Variants in DSE observed in about 807,000 individuals in gnomAD.
DSE encodes dermatan sulfate epimerase, also known as dermatan-sulfate epimerase.
Under a neutral mutation model 84.4 loss-of-function variants are expected in DSE, and 36 were observed. The observed-to-expected ratio is 0.43, with a 90% confidence interval of 0.33 to 0.56. The LOEUF is 0.56. Ranked by LOEUF, DSE falls within the 20% of genes least tolerant of loss-of-function variation. DSE has a pLI of 0.06. For missense variants in DSE, 862 were observed against 1,169.6 expected, an observed-to-expected ratio of 0.74 and a Z score of 3.84; for synonymous variants, 410 against 430.1, an observed-to-expected ratio of 0.95 and a Z score of 0.58.
intron 1 of DSE, among the ~76,000 whole-genome samples, chr6:116,377,740 T>C (rs1780008817): frequency 6.6e-6 from 1 of 152,142 alleles, no homozygotes; most frequent in Non-Finnish European, 1.5e-5. Context: ...CAAGGTGCAC[T>C]CAATATCCAA....
chr6:116,435,567 T>C lies in DSE; in HGVS notation c.1119-20T>C, dbSNP rs1784093528. ...TCACTGCCATCAGAAAACCATTTAATTTTTCAAAATTAATTTCAGGTATGA... is the reference window on the plus strand; with the variant it reads ...TCACTGCCATCAGAAAACCATTTAACTTTTCAAAATTAATTTCAGGTATGA... On this transcript the variant is annotated intron_variant, in intron 5 of 5. Transcript: ENST00000644252. The C allele has an allele frequency of 1.3e-6, 2 of 1,543,992 alleles. No homozygotes were observed. Among genetic ancestry groups the C allele is most frequent in the African/African-American group, 1.4e-5 (1 of 72,162 alleles).
intron 1 of DSE, among the ~76,000 whole-genome samples, chr6:116,393,270 G>T (rs139140937): frequency 1.3e-5 from 2 of 152,056 alleles, no homozygotes; most frequent in African/African-American, 4.8e-5. Context: ...AAATTTAAAG[G>T]GTCGTATACT....
intron 2 of DSE, among the ~76,000 whole-genome samples, chr6:116,325,817 A>G (rs890416769): frequency 1.2e-4 from 18 of 152,334 alleles, no homozygotes; most frequent in African/African-American, 4.1e-4. Context: ...GGGTTTGTTC[A>G]GCCGGGGGCA....
chr6:116,416,067 C>G lies in DSE; in HGVS notation c.417-10507C>G, dbSNP rs74856435. ...TTTGGAGTTCACATATATTCCTTTG[C>G]TTGTAGCTCCCTGCCTCCACCTTCA... On this transcript the variant is annotated intron_variant, in intron 2 of 5. Coordinates refer to ENST00000644252, the MANE Select transcript of DSE (RefSeq NM_013352.4). 8.6e-3 allele frequency among the ~76,000 whole-genome samples: 1,309 copies of G among 152,256 alleles called. 31 individuals are homozygous for G. The highest frequency in any genetic ancestry group is 0.028 in the African/African-American group (1,179 of 41,542).
At chr6:116,426,126 A>G (rs1335520566) in intron 2 of DSE, among the ~76,000 whole-genome samples, 1 of 152,222 alleles carries the variant, frequency 6.6e-6, no homozygotes, top group African/African-American at 2.4e-5. Flanking sequence ...GCTATGGGAA[A>G]TAAGAGGCAA....
chr6:116,386,667 G>A (rs1427939527), intron 1 of DSE, among the ~76,000 whole-genome samples: 1 of 152,200 alleles, frequency 6.6e-6, no homozygotes, highest in Non-Finnish European at 1.5e-5. Flanking sequence ...GCAAAGATAG[G>A]AGTTTATCAT....
rs56403156 is a variant in DSE, at chr6:116,260,255, T to C, written c.-54+1288T>C. On this transcript the variant is annotated intron_variant, in intron 2 of 3. Transcript: ENST00000430252. Reference sequence around the variant, plus strand: ...AATCAGTGATGTTGAGCTTTTTTTTTCACATGAATATTGGCTGCATGTATG... The same window carrying C: ...AATCAGTGATGTTGAGCTTTTTTTTCCACATGAATATTGGCTGCATGTATG... 9.2e-3 allele frequency among the ~76,000 whole-genome samples: 1,400 copies of C among 152,342 alleles called. 34 individuals are homozygous for C. The highest frequency in any genetic ancestry group is 0.052 in the Admixed American group (800 of 15,302).
intron 2 of DSE, among the ~76,000 whole-genome samples, chr6:116,260,431 T>C (rs1363605246): frequency 6.6e-6 from 1 of 152,228 alleles, no homozygotes; most frequent in South Asian, 2.1e-4. Flanking sequence ...ATTCTGTAGA[T>C]TGTCCTTTCA....
At chr6:116,370,883 C>CCCG, upstream of DSE, 1 of 985,718 alleles carries the variant, frequency 1.0e-6, no homozygotes, top group Non-Finnish European at 1.2e-6. Flanking sequence ...AGCCTCAGCG[C>CCCG]CCGCCGCGTC....
chr6:116,307,277 G>A (rs1366949842), intron 2 of DSE, among the ~76,000 whole-genome samples: 1 of 152,138 alleles, frequency 6.6e-6, no homozygotes, highest in African/African-American at 2.4e-5. Flanking sequence ...GTTTGGGTGT[G>A]GATTGATCAT....
At position 116,416,058 on chromosome 6, in the gene DSE, A is replaced by G. The variant is rs1480323325; in HGVS notation, c.417-10516A>G. ...TTTCTAGCTTTTGGAGTTCACATATATTCCTTTGCTTGTAGCTCCCTGCCT... is the reference window on the plus strand; with the variant it reads ...TTTCTAGCTTTTGGAGTTCACATATGTTCCTTTGCTTGTAGCTCCCTGCCT... On this transcript the variant is annotated intron_variant, in intron 2 of 5. Coordinates refer to ENST00000644252, the MANE Select transcript of DSE (RefSeq NM_013352.4). 2.6e-5 allele frequency among the ~76,000 whole-genome samples: 4 copies of G among 152,276 alleles called. No individual in the cohort carries two copies. The East Asian group carries it at 7.7e-4, about 29-fold the overall frequency.
chr6:116,290,139 C>G (rs1774189877), intron 2 of DSE, among the ~76,000 whole-genome samples: 1 of 152,026 alleles, frequency 6.6e-6, no homozygotes, highest in South Asian at 2.1e-4. Flanking sequence ...GATATAAACC[C>G]AGTTTATTGG....
intron 2 of DSE, among the ~76,000 whole-genome samples, chr6:116,418,346 G>C (rs1346889399): frequency 2.0e-5 from 3 of 152,194 alleles, no homozygotes; most frequent in Non-Finnish European, 4.4e-5. Flanking sequence ...GCTAGGGTTT[G>C]ATCACGAAGA....
intron 1 of DSE, among the ~76,000 whole-genome samples, chr6:116,375,171 A>G (rs1779844287): frequency 6.6e-6 from 1 of 152,216 alleles, no homozygotes; most frequent in Non-Finnish European, 1.5e-5. Context: ...ATGGTGAATT[A>G]GAATGGGAAG....
intron 2 of DSE, among the ~76,000 whole-genome samples, chr6:116,404,196 G>A (rs1328639076): frequency 2.0e-5 from 3 of 152,068 alleles, no homozygotes; most frequent in East Asian, 1.9e-4. Flanking sequence ...GTGATTTTCC[G>A]GAGCTAAAAA....
intron 2 of DSE, among the ~76,000 whole-genome samples, chr6:116,344,825 C>A (rs942918039): frequency 6.6e-6 from 1 of 152,118 alleles, no homozygotes; most frequent in South Asian, 2.1e-4. Flanking sequence ...AAGACACAGA[C>A]CGGCAAATTG....
intron 2 of DSE, among the ~76,000 whole-genome samples, chr6:116,335,422 A>G (rs1424386381): frequency 6.6e-6 from 1 of 152,136 alleles, no homozygotes; most frequent in Non-Finnish European, 1.5e-5. Flanking sequence ...ATAACTCATG[A>G]GTACTAGGCT....
intron 2 of DSE, among the ~76,000 whole-genome samples, chr6:116,275,635 C>G (rs1773100464): frequency 2.0e-5 from 3 of 152,076 alleles, no homozygotes; most frequent in Non-Finnish European, 2.9e-5. Flanking sequence ...CCCATCTCTA[C>G]TAAAAATACA....
At chr6:116,309,230 A>G (rs538704791) in intron 2 of DSE, among the ~76,000 whole-genome samples, 1 of 152,180 alleles carries the variant, frequency 6.6e-6, no homozygotes, top group Non-Finnish European at 1.5e-5. Context: ...CTGTATACAC[A>G]CAACTCTACT....
Sources: gnomAD v4.1 joint callset for allele counts (sites outside exome capture counted in the v4.1 genomes callset) on GRCh38, gnomAD v4.1.1 for gene constraint, MANE v1.5 for transcripts, NCBI Gene and HGNC (gene_info 2026-07-23, HGNC 2026-07-21) for gene names.